The following SPATC1 variants were observed in gnomAD, a reference collection of about 807,000 sequenced individuals.
The protein encoded by SPATC1 is speriolin.
In SPATC1, 35 loss-of-function variants were observed where a neutral mutation model predicts 36.5. That is an observed-to-expected ratio of 0.96 (90% CI 0.73 to 1.27). The LOEUF (loss-of-function observed/expected upper bound fraction) is 1.27, where lower values mean the gene tolerates loss of function less well. Ranked by LOEUF, SPATC1 falls within the 50% of genes most tolerant of loss-of-function variation. The pLI is 0.00. For missense variants in SPATC1, 779 were observed against 796.0 expected (o/e 0.98, Z 0.26); for synonymous variants, 361 against 353.6 (o/e 1.02, Z -0.24).
rs1364266479 is a variant in SPATC1 at position 144,016,158 on chromosome 8, A to C, written c.211+3432A>C. ...GTAATCCCAGCTACTTGGGAGGCTG[A>C]GGCAGGAGAATCGCTTGAACTTGGG... On this transcript the variant is annotated intron_variant, in intron 1 of 4. Coordinates refer to ENST00000377470, the MANE Select transcript of SPATC1 (RefSeq NM_198572.3). This position sits in a 1 kb window ranked among gnomAD's most constrained non-coding sequence, Gnocchi z 4.5. Among the ~76,000 whole-genome samples, 2 of 152,102 alleles carry C rather than the reference A, an allele frequency of 1.3e-5. No homozygotes were observed. The highest frequency in any genetic ancestry group is 4.8e-5 in the African/African-American group (2 of 41,430).
rs1835259623 is a variant in SPATC1, at chr8:144,046,327, C to G, written c.1447-300C>G. Reference sequence around the variant, plus strand: ...GGAGGCCTCAGCCCAGTTGCACTCCCTGGTGGTGCGTGGAGCAGACGACAG... The same window carrying G: ...GGAGGCCTCAGCCCAGTTGCACTCCGTGGTGGTGCGTGGAGCAGACGACAG... On this transcript the variant is annotated intron_variant, in intron 4 of 4. Coordinates refer to ENST00000377470, the MANE Select transcript of SPATC1 (RefSeq NM_198572.3). This position sits in a 1 kb window ranked among gnomAD's most constrained non-coding sequence, Gnocchi z 6.6. Among the ~76,000 whole-genome samples, 3 of 152,172 alleles carry G rather than the reference C, an allele frequency of 2.0e-5. No individual in the cohort carries two copies. The highest frequency in any genetic ancestry group is 2.0e-4 in the Admixed American group (3 of 15,286).
chr8:144,040,506 C>A (rs1564278384), intron 2 of SPATC1, 43 bp downstream of exon 2: 6 of 1,559,344 alleles, frequency 3.8e-6, no homozygotes, highest in East Asian at 2.3e-5. Context: ...TGGGGGGGGG[C>A]AGAGCCCTCC....
At chr8:144,023,773 AAGGTCC>A (rs1587498245) in intron 1 of SPATC1, among the ~76,000 whole-genome samples, 34 of 322 alleles carry the variant, frequency 0.11, 17 homozygotes, top group South Asian at 0.5. Context: ...CCCTTTCCCT[AAGGTCC>A]CTCTTCCCTC....
intron 1 of SPATC1, among the ~76,000 whole-genome samples, chr8:144,031,837 G>A (rs1485868057): frequency 6.7e-6 from 1 of 149,172 alleles, no homozygotes; most frequent in Non-Finnish European, 1.5e-5. Flanking sequence ...TCCCACCTCA[G>A]CTTCCTGAGT....
Position 144,040,293 on chromosome 8 carries a change from T to C in SPATC1, c.596T>C (p.Leu199Pro). The change falls in exon 2 of 5, where the codon CTC (leucine) becomes CCC (proline). Residue 199 changes from leucine to proline, a missense_variant. Physicochemically the swap from Leu to Pro is moderately conservative, Grantham distance 98. Transcript: ENST00000377470. ...GTGGCTGTCTCTCTGAGCAGCCCCCTCCTCAGCTCCACTGCCACCCCACCA... is the reference window on the plus strand; with the variant it reads ...GTGGCTGTCTCTCTGAGCAGCCCCCCCCTCAGCTCCACTGCCACCCCACCA... ...GTVAVSLSSP[L>P]LSSTATPPGV... 6.2e-7 allele frequency: 1 copy of C among 1,612,746 alleles called. No homozygotes were observed. The highest frequency in any genetic ancestry group is 8.5e-7 in the Non-Finnish European group (1 of 1,179,898).
intron 1 of SPATC1, among the ~76,000 whole-genome samples, chr8:144,021,251 A>ATC (rs1834523866): frequency 1.4e-5 from 2 of 146,540 alleles, no homozygotes; most frequent in Non-Finnish European, 3.0e-5. Flanking sequence ...TCCCCTCAGG[A>ATC]CTCTCTTCCT....
rs1834404052 is a variant in SPATC1, at chr8:144,016,820, A to G, written c.211+4094A>G. Among the ~76,000 whole-genome samples, 2 of 152,104 alleles carry G rather than the reference A, an allele frequency of 1.3e-5. No individual in the cohort carries two copies. Among genetic ancestry groups the G allele is most frequent in the South Asian group, 4.1e-4 (2 of 4,826 alleles). On this transcript the variant is annotated intron_variant, in intron 1 of 4. Coordinates refer to ENST00000377470, the MANE Select transcript of SPATC1 (RefSeq NM_198572.3). The surrounding 1 kb of genome is among the most constrained non-coding windows in gnomAD (Gnocchi z 4.5). ...CCGGCTAATTTTGTATTTTGTTAGT[A>G]GAGACGAGGTTTCTCCATGTTGGTC... is the stretch of plus-strand genomic sequence containing the variant.
chr8:144,043,792 TCAGA>T (rs1265561399), intron 4 of SPATC1, among the ~76,000 whole-genome samples: 2 of 152,052 alleles, frequency 1.3e-5, no homozygotes, highest in African/African-American at 2.4e-5. Flanking sequence ...CACCCTGTGT[TCAGA>T]CAGAGATTCT....
At chr8:144,015,933 G>A (rs548361563) in intron 1 of SPATC1, among the ~76,000 whole-genome samples, 20 of 151,664 alleles carry the variant, frequency 1.3e-4, no homozygotes, top group South Asian at 1.2e-3. Flanking sequence ...CGTGGTGGGG[G>A]CGCCTGTAGT....
chr8:144,034,383 A>G (rs1834857131), intron 1 of SPATC1, among the ~76,000 whole-genome samples: 1 of 151,320 alleles, frequency 6.6e-6, no homozygotes, highest in Non-Finnish European at 1.5e-5. Flanking sequence ...TCCTGGTCTC[A>G]AGACAAAACC....
At chr8:144,020,575 A>AC (rs1834492850) in intron 1 of SPATC1, among the ~76,000 whole-genome samples, 1 of 150,628 alleles carries the variant, frequency 6.6e-6, no homozygotes, top group Non-Finnish European at 1.5e-5. Flanking sequence ...TCCCCTCAGG[A>AC]CCTTCTCCCC....
chr8:144,025,847 G>A (rs1038797632), intron 1 of SPATC1, among the ~76,000 whole-genome samples: 1 of 151,238 alleles, frequency 6.6e-6, no homozygotes, highest in Non-Finnish European at 1.5e-5. Flanking sequence ...CACTAGCTTG[G>A]CCCCTGAACC....
chr8:144,022,642 T>A (rs1587495733), intron 1 of SPATC1, among the ~76,000 whole-genome samples: 2 of 125,844 alleles, frequency 1.6e-5, no homozygotes, highest in African/African-American at 6.2e-5. Context: ...CCACTTCAGG[T>A]CTCTCTCCCC....
intron 1 of SPATC1, among the ~76,000 whole-genome samples, chr8:144,032,269 AT>A (rs1834813041): frequency 6.6e-6 from 1 of 151,694 alleles, no homozygotes. Context: ...TAGTTATGGT[AT>A]TTTTTATTAT....
At chr8:144,026,771 C>G in intron 1 of SPATC1, among the ~76,000 whole-genome samples, 1 of 151,420 alleles carries the variant, frequency 6.6e-6, no homozygotes, top group Middle Eastern at 3.4e-3. Flanking sequence ...CTATTTAGAT[C>G]CAATGCCCAT....
chr8:144,040,304 A>G lies in SPATC1; in HGVS notation c.607A>G (p.Thr203Ala), dbSNP rs374572436. Residue 203 changes from threonine to alanine, a missense_variant, in exon 2 of 5, where the codon ACT becomes GCT. Transcript: ENST00000377470. ...TCTGAGCAGCCCCCTCCTCAGCTCC[A>G]CTGCCACCCCACCAGGGGTCTCTCA... is the stretch of plus-strand genomic sequence containing the variant. ...VSLSSPLLSSTATPPGVSQNL... is the reference protein window; with the variant it reads ...VSLSSPLLSSAATPPGVSQNL... 1 of 1,612,578 alleles carries G rather than the reference A, an allele frequency of 6.2e-7. No homozygotes were observed. The highest frequency in any genetic ancestry group is 1.3e-5 in the African/African-American group (1 of 74,908).
chr8:144,040,077 G>A lies in SPATC1; in HGVS notation c.380G>A (p.Gly127Asp). The change falls in exon 2 of 5, where the codon GGC (glycine) becomes GAC (aspartate). Residue 127 changes from glycine to aspartate, a missense_variant. Gly to Asp is a moderately conservative substitution (Grantham distance 94). Coordinates refer to ENST00000377470, the MANE Select transcript of SPATC1 (RefSeq NM_198572.3). ...LTGTLSTLLS[G>D]PAPTSQSSPL... Reference sequence around the variant, plus strand: ...GGCACCCTCAGCACGCTGCTGTCTGGCCCAGCACCCACGTCACAGAGCAGC... The same window carrying A: ...GGCACCCTCAGCACGCTGCTGTCTGACCCAGCACCCACGTCACAGAGCAGC... 2 of 1,612,524 alleles carry A rather than the reference G, an allele frequency of 1.2e-6. No homozygotes were observed. Among genetic ancestry groups the A allele is most frequent in the Non-Finnish European group, 8.5e-7 (1 of 1,179,914 alleles).
In SPATC1 at chr8:144,046,544, C is replaced by T. The variant is rs1835266407; in HGVS notation, c.1447-83C>T. On this transcript the variant is annotated intron_variant, in intron 4 of 4. Transcript: ENST00000377470. This position sits in a 1 kb window ranked among gnomAD's most constrained non-coding sequence, Gnocchi z 6.6. ...TCGGATCCTGGCCATCTCACAGCCT[C>T]ACCTGCCCCTCGGTCTTCCCCTTAC... 1.5e-6 allele frequency: 2 copies of T among 1,315,078 alleles called. No homozygotes were observed. Among genetic ancestry groups the T allele is most frequent in the Non-Finnish European group, 2.1e-6 (2 of 947,830 alleles). The allele number at this position is 1,315,078 out of a possible 1,614,324, so 81.5% of individuals were successfully genotyped here. A position where few individuals can be genotyped will look rare whatever the true frequency, so the allele number is the denominator to read the frequency against.
chr8:144,014,289 GGA>G (rs1834338331), intron 1 of SPATC1, among the ~76,000 whole-genome samples: 1 of 143,152 alleles, frequency 7.0e-6, no homozygotes, highest in African/African-American at 2.7e-5. Flanking sequence ...GAGAGAGAGA[GGA>G]AGGAAGGAAG....
Sources: gnomAD v4.1 joint callset for allele counts (sites outside exome capture counted in the v4.1 genomes callset) on GRCh38, gnomAD v4.1.1 for gene constraint, Gnocchi (gnomAD v3.1) non-coding constraint, MANE v1.5 for transcripts, NCBI Gene and HGNC (gene_info 2026-07-23, HGNC 2026-07-21) for gene names.